The following TPM1 variants were observed in gnomAD, a reference collection of about 807,000 sequenced individuals.
The protein encoded by TPM1 is tropomyosin 1.
TPM1 carries 24 observed loss-of-function variants against 42.9 expected under a neutral mutation model. That is an observed-to-expected ratio of 0.56 (90% confidence interval 0.41 to 0.79). The LOEUF (loss-of-function observed/expected upper bound fraction) is 0.79, where lower values mean the gene tolerates loss of function less well. Among genes scored for constraint, TPM1 ranks in the 30% least tolerant of loss-of-function variants. The pLI, the probability that TPM1 is intolerant of heterozygous loss-of-function variation, is 0.00. For synonymous variants in TPM1, 136 were observed against 130.1 expected, an observed-to-expected ratio of 1.05 and a Z score of -0.31; for missense variants, 158 against 351.8, an observed-to-expected ratio of 0.45 and a Z score of 4.41.
chr15:63,071,547 A>C (rs1182973873), exon 9 of TPM1: 2 of 330,418 alleles, frequency 6.1e-6, no homozygotes, highest in African/African-American at 4.3e-5. Context: ...CTTTGAACAA[A>C]AGGTCCCCCT....
chr15:63,053,903 A>C (rs1219816316), intron 2 of TPM1, among the ~76,000 whole-genome samples: 1 of 151,790 alleles, frequency 6.6e-6, no homozygotes, highest in African/African-American at 2.4e-5. Flanking sequence ...GCTGGTCTCG[A>C]ACTCCTGACC....
intron 1 of TPM1, 52 bp from the exon 2 acceptor site, chr15:63,043,975 A>G: frequency 1.9e-6 from 3 of 1,592,704 alleles, no homozygotes; most frequent in Non-Finnish European, 2.6e-6. Flanking sequence ...CTTCGGGATC[A>G]CGCTGCCTGC....
intron 2 of TPM1, among the ~76,000 whole-genome samples, chr15:63,051,595 T>TCACTTGGC (rs1466185123): frequency 1.3e-5 from 2 of 152,128 alleles, no homozygotes; most frequent in East Asian, 3.8e-4. Flanking sequence ...TTGGCTGTGG[T>TCACTTGGC]CACTTGGCCT....
chr15:63,070,839 T>A, downstream of TPM1: 1 of 1,290,468 alleles, frequency 7.7e-7, no homozygotes, highest in Non-Finnish European at 9.9e-7. Flanking sequence ...GTGCATTTTA[T>A]CCTCAGTGAA....
intron 4 of TPM1, 148 bp from the exon 5 acceptor site, chr15:63,060,721 G>C (rs2035496301): frequency 3.5e-6 from 3 of 853,190 alleles, no homozygotes; most frequent in Non-Finnish European, 5.8e-6. Flanking sequence ...ATAGAGAGTT[G>C]CTTCTCTCTG....
At chr15:63,043,482 G>T in intron 1 of TPM1, 1 of 735,660 alleles carries the variant, frequency 1.4e-6, no homozygotes, top group Non-Finnish European at 2.4e-6. Context: ...ACTTGAGCCC[G>T]CTGAGACCTC....
At chr15:63,054,139 A>G (rs931842171) in intron 2 of TPM1, among the ~76,000 whole-genome samples, 1 of 152,094 alleles carries the variant, frequency 6.6e-6, no homozygotes, top group Non-Finnish European at 1.5e-5. Context: ...AGCCACTCTC[A>G]GGTCTGCTGT....
chr15:63,044,367 T>G, intron 2 of TPM1: 3 of 722,614 alleles, frequency 4.2e-6, no homozygotes, highest in Non-Finnish European at 7.0e-6. Context: ...TCCTTTCCTT[T>G]ACCTCCCTGG....
chr15:63,056,790 G>C (rs1289265598), intron 2 of TPM1, 195 bp from the exon 3 acceptor site: 5 of 699,398 alleles, frequency 7.1e-6, no homozygotes, highest in Non-Finnish European at 1.3e-5. Context: ...CACAAATATG[G>C]ATGTTCACTG....
intron 2 of TPM1, 85 bp from the exon 3 acceptor site, chr15:63,056,900 A>C (rs1476208258): frequency 1.3e-6 from 2 of 1,586,444 alleles, no homozygotes; most frequent in Non-Finnish European, 1.7e-6. Flanking sequence ...CCTATCTGAA[A>C]TCAGCATTGC....
chr15:63,053,721 G>A (rs935980960), intron 2 of TPM1, among the ~76,000 whole-genome samples: 28 of 126,450 alleles, frequency 2.2e-4, no homozygotes, highest in African/African-American at 8.5e-4. Context: ...TTGCTCTGTC[G>A]CCCAGGCTGG....
chr15:63,061,958 T>C, intron 6 of TPM1, 170 bp downstream of exon 6: 1 of 699,980 alleles, frequency 1.4e-6, no homozygotes, highest in South Asian at 1.7e-5. Flanking sequence ...AGAGAATTTA[T>C]TTTATGTTAG....
At chr15:63,043,674 G>A in intron 1 of TPM1, 1 of 1,539,166 alleles carries the variant, frequency 6.5e-7, no homozygotes, top group Non-Finnish European at 8.7e-7. Flanking sequence ...GGTCCGTGCC[G>A]GCCGCCCGCG....
chr15:63,069,153 A>C (rs2036455353), downstream of TPM1, among the ~76,000 whole-genome samples: 1 of 152,150 alleles, frequency 6.6e-6, no homozygotes, highest in South Asian at 2.1e-4. Context: ...ACTAAGTCTC[A>C]AAAAACAAAA....
chr15:63,049,172 TG>T, intron 2 of TPM1: 2 of 197,240 alleles, frequency 1.0e-5, no homozygotes, highest in South Asian at 6.4e-5. Flanking sequence ...GGCCCGGGGA[TG>T]CTACACTCCG....
downstream of TPM1, chr15:63,070,441 A>G (rs16946436): frequency 3.1e-3 from 3,057 of 995,062 alleles, 57 homozygotes; most frequent in African/African-American, 0.046. Flanking sequence ...ACAGGAACTC[A>G]TGCCAGAAGC....
chr15:63,044,944 A>G (rs2032065025), intron 2 of TPM1: 1 of 149,686 alleles, frequency 6.7e-6, no homozygotes. Flanking sequence ...CTCTTTGTCC[A>G]CTGCCCTTTG....
At chr15:63,062,998 G>A (rs1596388801) in intron 8 of TPM1, 1 of 1,365,210 alleles carries the variant, frequency 7.3e-7, no homozygotes, top group Admixed American at 3.5e-5. Context: ...AATTGGGAAT[G>A]ATGTGGTGAT....
chr15:63,057,418 A>T (rs1416047946), intron 3 of TPM1, among the ~76,000 whole-genome samples: 3 of 152,232 alleles, frequency 2.0e-5, no homozygotes, highest in Non-Finnish European at 4.4e-5. Context: ...AATGTCAGGG[A>T]TACAAGTTGG....
Sources: gnomAD v4.1 joint callset for allele counts (sites outside exome capture counted in the v4.1 genomes callset) on GRCh38, gnomAD v4.1.1 for gene constraint, MANE v1.5 for transcripts, NCBI Gene and HGNC (gene_info 2026-07-23, HGNC 2026-07-21) for gene names.